CACNG8: variants seen among roughly 807,000 people sequenced by gnomAD.
CACNG8 encodes the protein voltage-dependent calcium channel gamma-8 subunit.
A neutral mutation model predicts 26.9 loss-of-function variants in CACNG8; 5 were observed. That is an observed-to-expected ratio of 0.19 (90% CI 0.10 to 0.39). The LOEUF is 0.39. Among genes scored for constraint, CACNG8 ranks in the 10% least tolerant of loss-of-function variants. The pLI is 1.00. For missense variants in CACNG8, 473 were observed against 609.4 expected, an observed-to-expected ratio of 0.78 and a Z score of 2.36; for synonymous variants, 321 against 296.7, an observed-to-expected ratio of 1.08 and a Z score of -0.84.
Position 53,963,175 on chromosome 19 carries a change from G to A in CACNG8, c.33G>A (p.Arg11=). ...CGCTGAAGCGCTGGAACGAAGAGCG[G>A]GGCCTCTGGTGCGAGAAGGGGGTGC... The change falls in exon 1 of 4, where the codon CGG becomes CGA. Residue 11 remains arginine (R), a synonymous_variant. Transcript: ENST00000270458. The A allele has an allele frequency of 1.3e-6, 2 of 1,569,342 alleles. No individual in the cohort carries two copies. The highest frequency in any genetic ancestry group is 1.8e-4 in the Middle Eastern group (1 of 5,558).
At position 53,982,759 on chromosome 19, in the gene CACNG8, CGCGCCCTCT is replaced by C. The variant is rs759455825; in HGVS notation, c.1195_1203del (p.Ser399_Pro401del). On this transcript the variant is annotated inframe_deletion, in exon 4 of 4. Transcript: ENST00000270458. This position sits in a 1 kb window ranked among gnomAD's most constrained non-coding sequence, Gnocchi z 8.4. ...CCGCCCCGCCCGCGCCCGCGCCACC[CGCGCCCTCT>C]GCGCCCGCCCCCGGGACCCTGGCCA... The C allele has an allele frequency of 5.6e-6, 7 of 1,244,894 alleles. No homozygotes were observed. The East Asian group carries it at 2.2e-4, about 38-fold the overall frequency. The allele number at this position is 1,244,894 out of a possible 1,614,324, so 77.1% of individuals were successfully genotyped here.
rs1230440417 is a variant in CACNG8 at position 53,983,364 on chromosome 19, C to T, written c.*515C>T. Reference sequence around the variant, plus strand: ...TCATTCATTTTTTTCATTCATTATTCCACAAGGGCTTATTAAGCACCTACT... The same window carrying T: ...TCATTCATTTTTTTCATTCATTATTTCACAAGGGCTTATTAAGCACCTACT... On this transcript the variant is annotated 3_prime_UTR_variant, in exon 4 of 4. Coordinates refer to ENST00000270458, the MANE Select transcript of CACNG8 (RefSeq NM_031895.6). The T allele has an allele frequency of 6.6e-6, 1 of 152,170 alleles. No individual in the cohort carries two copies. Among genetic ancestry groups the T allele is most frequent in the Non-Finnish European group, 1.5e-5 (1 of 68,062 alleles). The allele number at this position is 152,170 out of a possible 1,614,324, so 9.4% of individuals were successfully genotyped here. A position where few individuals can be genotyped will look rare whatever the true frequency, so the allele number is the denominator to read the frequency against.
rs1344463599 is a variant in CACNG8 at position 53,988,490 on chromosome 19, C to T, written c.*5641C>T. 1.3e-5 allele frequency: 2 copies of T among 151,788 alleles called. No homozygotes were observed. Among genetic ancestry groups the T allele is most frequent in the Non-Finnish European group, 2.9e-5 (2 of 68,052 alleles). The allele number at this position is 151,788 out of a possible 1,614,324, so 9.4% of individuals were successfully genotyped here. ...TGGTGCACACCTGTAATCCCAGCTACTTGAGAGGCTGAAGCAGGAGAATCT... is the reference window on the plus strand; with the variant it reads ...TGGTGCACACCTGTAATCCCAGCTATTTGAGAGGCTGAAGCAGGAGAATCT... On this transcript the variant is annotated 3_prime_UTR_variant, in exon 4 of 4. Coordinates refer to ENST00000270458, the MANE Select transcript of CACNG8 (RefSeq NM_031895.6).
intron 1 of CACNG8, among the ~76,000 whole-genome samples, chr19:53,965,536 C>G (rs1043309124): frequency 3.4e-4 from 51 of 151,896 alleles, no homozygotes; most frequent in African/African-American, 8.9e-4. Flanking sequence ...TAGGACAGCA[C>G]GTGGCATCTA....
chr19:53,982,967 G>A lies in CACNG8; in HGVS notation c.*118G>A. Reference sequence around the variant, plus strand: ...CCCCGTGAGCGCGCTGGAGACTGCTGGGCCCGCCCCACGCCCACCCTCCCC... The same window carrying A: ...CCCCGTGAGCGCGCTGGAGACTGCTAGGCCCGCCCCACGCCCACCCTCCCC... On this transcript the variant is annotated 3_prime_UTR_variant, in exon 4 of 4. Transcript: ENST00000270458. The surrounding 1 kb of genome is among the most constrained non-coding windows in gnomAD (Gnocchi z 8.4). The A allele has an allele frequency of 1.6e-6, 1 of 607,476 alleles. No individual in the cohort carries two copies. 37.6% of individuals were successfully genotyped at this position (607,476 alleles called of 1,614,324 possible). A position where few individuals can be genotyped will look rare whatever the true frequency, so the allele number is the denominator to read the frequency against.
At chr19:53,971,186 G>A (rs1046594255) in intron 1 of CACNG8, among the ~76,000 whole-genome samples, 2 of 151,578 alleles carry the variant, frequency 1.3e-5, no homozygotes, top group East Asian at 3.9e-4. Context: ...CAGCTACTCG[G>A]GAGGCTGAGG....
chr19:53,977,823 C>T (rs2069338952), intron 1 of CACNG8, among the ~76,000 whole-genome samples: 1 of 152,192 alleles, frequency 6.6e-6, no homozygotes, highest in Admixed American at 6.5e-5. Context: ...GAGGTGGGAG[C>T]CGGAAGTCCA....
chr19:53,978,032 A>C (rs1368639536), intron 1 of CACNG8, 114 bp from the exon 2 acceptor site: 1 of 683,416 alleles, frequency 1.5e-6, no homozygotes, highest in African/African-American at 1.8e-5. Flanking sequence ...CGGTCTCCCA[A>C]GCAGCCCAGA....
chr19:53,963,444 T>C lies in CACNG8; in HGVS notation c.283+19T>C, dbSNP rs913561536. ...CTGGAAGGTAGGGTGCGGGCGGCCC[T>C]CCCCGCAGCCCCCGCCGCTCCCCTC... On this transcript the variant is annotated intron_variant, in intron 1 of 3. Coordinates refer to ENST00000270458, the MANE Select transcript of CACNG8 (RefSeq NM_031895.6). 1 of 1,421,652 alleles carries C rather than the reference T, an allele frequency of 7.0e-7. No homozygotes were observed. The allele number at this position is 1,421,652 out of a possible 1,614,324, so 88.1% of individuals were successfully genotyped here.
At chr19:53,976,476 A>C (rs2069330807) in intron 1 of CACNG8, among the ~76,000 whole-genome samples, 1 of 152,208 alleles carries the variant, frequency 6.6e-6, no homozygotes, top group African/African-American at 2.4e-5. Flanking sequence ...CCTAGCAAGC[A>C]CCAAACGCAC....
chr19:53,965,565 C>T (rs1600023825), intron 1 of CACNG8, among the ~76,000 whole-genome samples: 2 of 151,976 alleles, frequency 1.3e-5, no homozygotes, highest in African/African-American at 2.4e-5. Context: ...GTCATTCATT[C>T]ATTCATTCGT....
intron 1 of CACNG8, among the ~76,000 whole-genome samples, chr19:53,968,324 A>G (rs2069282448): frequency 6.6e-6 from 1 of 151,834 alleles, no homozygotes; most frequent in Non-Finnish European, 1.5e-5. Context: ...AAAGTGAGAC[A>G]TGATCATACC....
rs886744367 is a variant in CACNG8, at chr19:53,983,432, A to T, written c.*583A>T. On this transcript the variant is annotated 3_prime_UTR_variant, in exon 4 of 4. Coordinates refer to ENST00000270458, the MANE Select transcript of CACNG8 (RefSeq NM_031895.6). ...ACATAAGAAGGCATTGGAGCAGGGG[A>T]CACGAACGAGGCACAGAAAGGGCCT... The T allele has an allele frequency of 3.9e-5, 6 of 152,162 alleles. No individual in the cohort carries two copies. Among genetic ancestry groups the T allele is most frequent in the African/African-American group, 1.4e-4 (6 of 41,418 alleles). The allele number at this position is 152,162 out of a possible 1,614,324, so 9.4% of individuals were successfully genotyped here. A position where few individuals can be genotyped will look rare whatever the true frequency, so the allele number is the denominator to read the frequency against.
chr19:53,981,085 G>A (rs1323268887), intron 3 of CACNG8, among the ~76,000 whole-genome samples: 1 of 152,134 alleles, frequency 6.6e-6, no homozygotes, highest in African/African-American at 2.4e-5. Context: ...AGAAGGCGGG[G>A]CCTGCTTTAT....
At chr19:53,978,346 G>T in intron 2 of CACNG8, 117 bp downstream of exon 2, 1 of 730,778 alleles carries the variant, frequency 1.4e-6, no homozygotes, top group South Asian at 1.7e-5. Context: ...GACACGCCGA[G>T]GTTAGCCTCC....
At chr19:53,978,291 G>T in intron 2 of CACNG8, 62 bp downstream of exon 2, 1 of 1,382,172 alleles carries the variant, frequency 7.2e-7, no homozygotes, top group Non-Finnish European at 1.0e-6. Flanking sequence ...GGAAGGCGTC[G>T]GGGTGGGTGC....
At position 53,982,998 on chromosome 19, in the gene CACNG8, C is replaced by G. The variant is rs2069384220; in HGVS notation, c.*149C>G. The G allele has an allele frequency of 5.1e-6, 2 of 392,262 alleles. No homozygotes were observed. Among genetic ancestry groups the G allele is most frequent in the East Asian group, 5.3e-5 (1 of 19,030 alleles). The allele number at this position is 392,262 out of a possible 1,614,324, so 24.3% of individuals were successfully genotyped here. ...GCCCCACGCCCACCCTCCCCGCCCCCCTCCCCCTCCGAAGCAGGGACCCCG... is the reference window on the plus strand; with the variant it reads ...GCCCCACGCCCACCCTCCCCGCCCCGCTCCCCCTCCGAAGCAGGGACCCCG... On this transcript the variant is annotated 3_prime_UTR_variant, in exon 4 of 4. Transcript: ENST00000270458. The surrounding 1 kb of genome is among the most constrained non-coding windows in gnomAD (Gnocchi z 8.4).
At chr19:53,981,686 G>T (rs533722604) in intron 3 of CACNG8, among the ~76,000 whole-genome samples, 2 of 152,092 alleles carry the variant, frequency 1.3e-5, no homozygotes, top group Non-Finnish European at 2.9e-5. Context: ...CATCTGAGGG[G>T]GTGCTTGAGC....
Position 53,983,394 on chromosome 19 carries a change from A to G in CACNG8, c.*545A>G, listed in dbSNP as rs1283891020. ...AGGGCTTATTAAGCACCTACTGTGTACCAGGCACTGGTACATAAGAAGGCA... is the reference window on the plus strand; with the variant it reads ...AGGGCTTATTAAGCACCTACTGTGTGCCAGGCACTGGTACATAAGAAGGCA... On this transcript the variant is annotated 3_prime_UTR_variant, in exon 4 of 4. Coordinates refer to ENST00000270458, the MANE Select transcript of CACNG8 (RefSeq NM_031895.6). The G allele has an allele frequency of 6.6e-6, 1 of 152,210 alleles. No individual in the cohort carries two copies. Among genetic ancestry groups the G allele is most frequent in the Non-Finnish European group, 1.5e-5 (1 of 68,044 alleles). The allele number at this position is 152,210 out of a possible 1,614,324, so 9.4% of individuals were successfully genotyped here.
Sources: gnomAD v4.1 joint callset for allele counts (sites outside exome capture counted in the v4.1 genomes callset) on GRCh38, gnomAD v4.1.1 for gene constraint, Gnocchi (gnomAD v3.1) non-coding constraint, MANE v1.5 for transcripts, NCBI Gene and HGNC (gene_info 2026-07-23, HGNC 2026-07-21) for gene names.